MCC: variants seen among roughly 807,000 people sequenced by gnomAD.
MCC encodes MCC regulator of Wnt signaling pathway.
MCC carries 90 observed loss-of-function variants against 116.2 expected under a neutral mutation model. That is an observed-to-expected ratio of 0.77 (90% CI 0.65 to 0.92). The LOEUF is 0.92. Among genes scored for constraint, MCC ranks in the 40% least tolerant of loss-of-function variants. The pLI, the probability that MCC is intolerant of heterozygous loss-of-function variation, is 0.00. For missense variants in MCC, 1,516 were observed against 1,312.2 expected (o/e 1.16, Z -2.40); for synonymous variants, 578 against 510.5 (o/e 1.13, Z -1.78).
chr5:113,305,047 TTAA>T (rs535018857), intron 3 of MCC, among the ~76,000 whole-genome samples: 113 of 151,742 alleles, frequency 7.4e-4, no homozygotes, highest in African/African-American at 2.6e-3. Context: ...CCTCATATAC[TTAA>T]TAATAAAGGA....
At chr5:113,448,013 G>C (rs918107750) in intron 1 of MCC, 1 of 152,290 alleles carries the variant, frequency 6.6e-6, no homozygotes, top group African/African-American at 2.4e-5. Flanking sequence ...TGGAAAAAGG[G>C]AATAGGAGAA....
At chr5:113,058,378 G>C (rs1752983631) in intron 14 of MCC, among the ~76,000 whole-genome samples, 1 of 152,196 alleles carries the variant, frequency 6.6e-6, no homozygotes. Flanking sequence ...CTGGGGACTT[G>C]TTAGAAATGC....
intron 7 of MCC, among the ~76,000 whole-genome samples, chr5:113,103,686 GA>G: frequency 6.6e-6 from 1 of 152,114 alleles, no homozygotes; most frequent in Non-Finnish European, 1.5e-5. Flanking sequence ...TACGTTGAAG[GA>G]ATATAAAGAT....
rs555625897 is a variant in MCC, at chr5:113,192,165, C to T, written c.628-40743G>A. On this transcript the variant is annotated intron_variant, in intron 3 of 18. Coordinates refer to ENST00000408903, the MANE Select transcript of MCC (RefSeq NM_001085377.2). ...GCCCCTTCCTTCACCATGGCACCCA[C>T]CCACCAGGCTCTAAGGAAGCACCCA... Among the ~76,000 whole-genome samples the T allele has an allele frequency of 2.6e-5, 4 of 152,318 alleles. No homozygotes were observed. In the East Asian group the frequency reaches 7.7e-4, roughly 29 times the overall value.
Position 113,101,750 on chromosome 5 carries a change from G to A in MCC, c.1387C>T (p.Leu463Phe). The part of the protein sequence containing the change: ...MNAIREERDR[L>F]RRRVRELQTR... Reference sequence around the variant, plus strand: ...TGCAGCATGCTCACCCTCCTCCGGAGCCGGTCCCGCTCTTCCCGGATGGCA... The same window carrying A: ...TGCAGCATGCTCACCCTCCTCCGGAACCGGTCCCGCTCTTCCCGGATGGCA... The change falls in exon 8 of 19, where the codon CTC becomes TTC. Residue 463 changes from leucine to phenylalanine, a missense_variant. Physicochemically the swap from Leu to Phe is conservative, Grantham distance 22. Coordinates refer to ENST00000408903, the MANE Select transcript of MCC (RefSeq NM_001085377.2). 6.2e-7 allele frequency: 1 copy of A among 1,613,210 alleles called. No homozygotes were observed. The highest frequency in any genetic ancestry group is 1.1e-5 in the South Asian group (1 of 91,074).
intron 8 of MCC, among the ~76,000 whole-genome samples, chr5:113,091,399 G>C (rs963425701): frequency 2.0e-5 from 3 of 152,200 alleles, no homozygotes; most frequent in Non-Finnish European, 4.4e-5. Flanking sequence ...GACAACTACA[G>C]AGAGCAAAAG....
At chr5:113,481,418 T>A (rs1228307037) in intron 1 of MCC, among the ~76,000 whole-genome samples, 1 of 152,060 alleles carries the variant, frequency 6.6e-6, no homozygotes, top group African/African-American at 2.4e-5. Context: ...TTAAATTAAT[T>A]AAATAAATAA....
At chr5:113,290,872 AAAAAATCCCTTC>A (rs1766468147) in intron 3 of MCC, among the ~76,000 whole-genome samples, 1 of 152,220 alleles carries the variant, frequency 6.6e-6, no homozygotes, top group African/African-American at 2.4e-5. Flanking sequence ...CAATTTTAAA[AAAAAATCCCTTC>A]AAATCTTTAT....
intron 3 of MCC, among the ~76,000 whole-genome samples, chr5:113,187,327 T>A (rs1322680064): frequency 1.3e-5 from 2 of 152,158 alleles, no homozygotes; most frequent in African/African-American, 2.4e-5. Flanking sequence ...CAGGCTCATT[T>A]TGAATTCTTG....
intron 1 of MCC, among the ~76,000 whole-genome samples, chr5:113,477,718 G>A (rs1446970637): frequency 6.6e-6 from 1 of 152,124 alleles, no homozygotes; most frequent in Non-Finnish European, 1.5e-5. Context: ...GATGTGAAGA[G>A]TAGGCTAATT....
chr5:113,350,548 A>G (rs1273097059), intron 2 of MCC, among the ~76,000 whole-genome samples: 3 of 152,174 alleles, frequency 2.0e-5, no homozygotes, highest in African/African-American at 7.2e-5. Context: ...AATAGATTAA[A>G]GAGTTAAATC....
chr5:113,276,062 AAGGCCACAG>A (rs1042398146), intron 3 of MCC, among the ~76,000 whole-genome samples: 1 of 149,754 alleles, frequency 6.7e-6, no homozygotes, highest in African/African-American at 2.5e-5. Flanking sequence ...CAAGAATCTC[AAGGCCACAG>A]TGGCCACATT....
At position 113,064,025 on chromosome 5, in the gene MCC, G is replaced by A. The variant is rs1386233555; in HGVS notation, c.2172C>T (p.Ser724=). ...AGGAAAGGCTCTCCCAGGGCTGCAC[G>A]CTGCAGCCGGCCACGGCAAAGGCTC... ...CGGAFAVAGC[S]VQPWESLSSN... Residue 724 remains serine, a synonymous_variant, in exon 14 of 19, where the codon AGC becomes AGT. Transcript: ENST00000408903. 2.5e-6 allele frequency: 4 copies of A among 1,613,780 alleles called. No individual in the cohort carries two copies. The highest frequency in any genetic ancestry group is 1.1e-5 in the South Asian group (1 of 91,064).
intron 3 of MCC, among the ~76,000 whole-genome samples, chr5:113,334,590 A>ATTTTTTTTT (rs58288026): frequency 8.3e-6 from 1 of 120,886 alleles, no homozygotes; most frequent in Non-Finnish European, 1.6e-5. Flanking sequence ...CTGATTTCTG[A>ATTTTTTTTT]TTTTTTTTTT....
intron 2 of MCC, among the ~76,000 whole-genome samples, chr5:113,376,925 G>A (rs1391336705): frequency 6.6e-6 from 1 of 152,160 alleles, no homozygotes. Context: ...AGAAGAGCTA[G>A]TGAGACCAAT....
At chr5:113,151,550 G>T (rs1759878150) in intron 3 of MCC, 128 bp from the exon 4 acceptor site, 2 of 620,360 alleles carry the variant, frequency 3.2e-6, no homozygotes, top group Admixed American at 6.1e-5. Flanking sequence ...GAGAATGAAG[G>T]TAAGTGTTAT....
chr5:113,439,347 T>C (rs1770959985), intron 1 of MCC, among the ~76,000 whole-genome samples: 1 of 130,730 alleles, frequency 7.6e-6, no homozygotes, highest in African/African-American at 3.1e-5. Context: ...TTCACAGAGG[T>C]GATGAGACAC....
intron 3 of MCC, among the ~76,000 whole-genome samples, chr5:113,290,014 G>A (rs1462237560): frequency 3.3e-5 from 5 of 152,184 alleles, no homozygotes; most frequent in East Asian, 1.9e-4. Context: ...CCCTTCCAAT[G>A]CTGATATTTT....
intron 3 of MCC, among the ~76,000 whole-genome samples, chr5:113,160,358 C>A (rs1006839716): frequency 1.3e-5 from 2 of 152,202 alleles, no homozygotes; most frequent in Admixed American, 6.5e-5. Context: ...TATGTCCCAT[C>A]GTAATTTTTA....
Sources: gnomAD v4.1 joint callset for allele counts (sites outside exome capture counted in the v4.1 genomes callset) on GRCh38, gnomAD v4.1.1 for gene constraint, MANE v1.5 for transcripts, NCBI Gene and HGNC (gene_info 2026-07-23, HGNC 2026-07-21) for gene names.